SH3YL1: variants seen among roughly 807,000 people sequenced by gnomAD.
SH3YL1 encodes the protein SH3 domain-containing YSC84-like protein 1.
Under a neutral mutation model 45.8 loss-of-function variants are expected in SH3YL1, and 41 were observed. That is an observed-to-expected ratio of 0.89 (90% CI 0.70 to 1.16). The LOEUF is 1.16. SH3YL1 is among the 50% of genes most tolerant of loss of function. The pLI, the probability that SH3YL1 is intolerant of heterozygous loss-of-function variation, is 0.00. For missense variants in SH3YL1, 389 were observed against 409.6 expected, an observed-to-expected ratio of 0.95 and a Z score of 0.43; for synonymous variants, 152 against 151.4, an observed-to-expected ratio of 1.00 and a Z score of -0.03.
At chr2:221,868 G>A (rs2103015914) in intron 9 of SH3YL1, among the ~76,000 whole-genome samples, 1 of 152,278 alleles carries the variant, frequency 6.6e-6, no homozygotes, top group Admixed American at 6.5e-5. Flanking sequence ...AGTTAGTGCT[G>A]TGCCCTGTTA....
chr2:264,600 C>CCG (rs1558259437), upstream of SH3YL1: 1 of 106,392 alleles, frequency 9.4e-6, no homozygotes, highest in East Asian at 3.7e-4. Context: ...AGGTGACTCC[C>CCG]CCCCGCCAAC....
At chr2:264,429 G>A (rs66569168), upstream of SH3YL1, 55,791 of 184,612 alleles carry the variant, frequency 0.3, 9,378 homozygotes, top group East Asian at 0.58. Flanking sequence ...CCCCAACCCA[G>A]GTGGGCGGCC....
intron 4 of SH3YL1, chr2:243,382 G>A: frequency 9.8e-7 from 1 of 1,015,894 alleles, no homozygotes; most frequent in East Asian, 3.0e-5. Flanking sequence ...ATAAATTTGG[G>A]AAATTTATAA....
chr2:233,251 A>G lies in SH3YL1; in HGVS notation c.405-22T>C, dbSNP rs757397172. 2.6e-6 allele frequency: 4 copies of G among 1,540,714 alleles called. No homozygotes were observed. The African/African-American group carries it at 4.1e-5, about 16-fold the overall frequency. On this transcript the variant is annotated intron_variant, in intron 5 of 9. Coordinates refer to ENST00000356150, the MANE Select transcript of SH3YL1 (RefSeq NM_015677.4). Reference sequence around the variant, plus strand: ...GTTCCTGCAAAGCACAAGATTTTGCATCACAAAGCTGTGAGCAGCTCCAAG... The same window carrying G: ...GTTCCTGCAAAGCACAAGATTTTGCGTCACAAAGCTGTGAGCAGCTCCAAG...
intron 9 of SH3YL1, among the ~76,000 whole-genome samples, chr2:221,019 C>T (rs1158279462): frequency 1.6e-5 from 2 of 122,250 alleles, no homozygotes; most frequent in Non-Finnish European, 3.7e-5. Flanking sequence ...GAAGAGCAGC[C>T]ACCGCGAACT....
intron 3 of SH3YL1, among the ~76,000 whole-genome samples, 185 bp from the exon 4 acceptor site, chr2:247,787 A>T (rs890059781): frequency 6.6e-6 from 1 of 152,226 alleles, no homozygotes; most frequent in Admixed American, 6.5e-5. Flanking sequence ...AAATATTTTT[A>T]AAGTATTAGA....
chr2:252,589 G>C (rs1287832200), intron 2 of SH3YL1, among the ~76,000 whole-genome samples: 1 of 152,166 alleles, frequency 6.6e-6, no homozygotes, highest in African/African-American at 2.4e-5. Context: ...GTTTTCTCAT[G>C]ATGGGAGAAG....
At chr2:219,775 T>C (rs547794921) in intron 9 of SH3YL1, among the ~76,000 whole-genome samples, 1 of 152,254 alleles carries the variant, frequency 6.6e-6, no homozygotes, top group South Asian at 2.1e-4. Context: ...CCCAGTTATA[T>C]TTTGCTGTTT....
rs1018769063 is a variant in SH3YL1 at position 242,673 on chromosome 2, T to A, written c.291+4865A>T. The A allele has an allele frequency of 4.0e-6, 5 of 1,250,814 alleles. No individual in the cohort carries two copies. In the South Asian group the frequency reaches 8.7e-5, roughly 22 times the overall value. 77.5% of individuals were successfully genotyped at this position (1,250,814 alleles called of 1,614,324 possible). A position where few individuals can be genotyped will look rare whatever the true frequency, so the allele number is the denominator to read the frequency against. On this transcript the variant is annotated intron_variant, in intron 4 of 9. Transcript: ENST00000356150. ...AATGATATCAATAATCTATTAAATG[T>A]GAATGAATTAAACAACCAAATAAAA... is the stretch of plus-strand genomic sequence containing the variant.
At chr2:264,057 G>A (rs1669730898), upstream of SH3YL1, 6 of 1,355,172 alleles carry the variant, frequency 4.4e-6, no homozygotes, top group East Asian at 1.9e-4. Context: ...CCGCCCCGCG[G>A]ACAAGGAGGC....
chr2:225,904 A>T (rs1292937705), intron 8 of SH3YL1, among the ~76,000 whole-genome samples: 1 of 152,234 alleles, frequency 6.6e-6, no homozygotes, highest in African/African-American at 2.4e-5. Flanking sequence ...ATGAAATGGT[A>T]AAATTATTAT....
chr2:232,652 C>T (rs1354160314), intron 6 of SH3YL1, among the ~76,000 whole-genome samples: 5 of 150,864 alleles, frequency 3.3e-5, no homozygotes, highest in African/African-American at 1.2e-4. Context: ...TCCAAGTGTT[C>T]TCATTGTTCA....
At chr2:256,155 C>T (rs1043889968) in intron 1 of SH3YL1, 1 of 152,232 alleles carries the variant, frequency 6.6e-6, no homozygotes, top group Non-Finnish European at 1.5e-5. Context: ...TGTGCCAGAA[C>T]TTCATATAGT....
At chr2:238,710 T>G (rs1668412897) in intron 4 of SH3YL1, among the ~76,000 whole-genome samples, 1 of 152,178 alleles carries the variant, frequency 6.6e-6, no homozygotes, top group Non-Finnish European at 1.5e-5. Context: ...AAGAAACCGT[T>G]AGTGGTATTT....
At chr2:263,184 C>T (rs1669661130) in intron 1 of SH3YL1, 1 of 155,656 alleles carries the variant, frequency 6.4e-6, no homozygotes, top group African/African-American at 2.4e-5. Context: ...ACATGCATCT[C>T]CTGTAAGCAG....
chr2:243,470 T>C, intron 4 of SH3YL1: 1 of 1,493,494 alleles, frequency 6.7e-7, no homozygotes, highest in Non-Finnish European at 8.9e-7. Context: ...TAGATAATAT[T>C]TTGAGATTAA....
intron 6 of SH3YL1, among the ~76,000 whole-genome samples, chr2:231,553 T>C (rs894177959): frequency 6.6e-6 from 1 of 152,252 alleles, no homozygotes; most frequent in African/African-American, 2.4e-5. Flanking sequence ...TATAGGTTTT[T>C]ACTTTTTAAA....
chr2:225,565 G>A (rs1667757588), intron 8 of SH3YL1, among the ~76,000 whole-genome samples: 1 of 152,192 alleles, frequency 6.6e-6, no homozygotes, highest in Non-Finnish European at 1.5e-5. Flanking sequence ...CCAGTGTGAA[G>A]GCCACTGGCC....
chr2:229,644 G>A lies in SH3YL1; in HGVS notation c.781+322C>T, dbSNP rs371122570. ...CTTGGGAGGCTGAGGCAGGAGAATG[G>A]CGTGAACCCGGGAGGCGGAGCTTGC... On this transcript the variant is annotated intron_variant, in intron 8 of 9. Transcript: ENST00000356150. Among the ~76,000 whole-genome samples, 146 of 149,780 alleles carry A rather than the reference G, an allele frequency of 9.7e-4. 1 individual carries two copies. In the East Asian group the frequency reaches 0.026, roughly 26 times the overall value.
Sources: allele counts gnomAD v4.1 joint callset (sites outside exome capture counted in the v4.1 genomes callset), GRCh38; gene constraint gnomAD v4.1.1; transcripts MANE v1.5; gene names NCBI Gene and HGNC (gene_info 2026-07-23, HGNC 2026-07-21).